The following PPP4R3C variants were observed in gnomAD, a reference collection of about 807,000 sequenced individuals.
PPP4R3C encodes the protein protein PPP4R3C.
For missense variants in PPP4R3C, 372 were observed against 237.3 expected (o/e 1.57, Z -3.73); for synonymous variants, 150 against 86.5 (o/e 1.73, Z -4.07).
Position 27,460,768 on chromosome X carries a change from G to C in PPP4R3C, c.*30C>G, listed in dbSNP as rs1264649586. ...TGGACGTTTATAGAATTTTTGTTGA[G>C]CCACATTTTGAGGGTGCCCCATATA... On this transcript the variant is annotated 3_prime_UTR_variant, in exon 1 of 1. Transcript: ENST00000412172. The C allele has an allele frequency of 2.2e-6, 1 of 452,904 alleles. No homozygotes were observed. The highest frequency in any genetic ancestry group is 3.8e-6 in the Non-Finnish European group (1 of 261,323). The allele number at this position is 452,904 out of a possible 1,213,427, so 37.3% of individuals were successfully genotyped here.
Position 27,462,294 on chromosome X carries a change from A to G in PPP4R3C, c.1003T>C (p.Phe335Leu), listed in dbSNP as rs761588095. 5.8e-6 allele frequency: 3 copies of G among 513,363 alleles called. No individual in the cohort carries two copies. The African/African-American group carries it at 6.9e-5, about 12-fold the overall frequency. 42.3% of individuals were successfully genotyped at this position (513,363 alleles called of 1,213,427 possible). A position where few individuals can be genotyped will look rare whatever the true frequency, so the allele number is the denominator to read the frequency against. Residue 335 changes from phenylalanine to leucine, a missense_variant, in exon 1 of 1, where the codon TTT becomes CTT. By Grantham distance (22) the Phe-to-Leu change is conservative (BLOSUM62 0). Transcript: ENST00000412172. ...AATGAACATAACTCCTTGAAAAAAA[A>G]TAGCAATTCACACCGTCTATCATCA... ...THDDRRCELL[F>L]FFKELCSFSQ...
In PPP4R3C at chrX:27,460,898, T is replaced by C. The variant is rs1182414535; in HGVS notation, c.2399A>G (p.His800Arg). The change falls in exon 1 of 1, where the codon CAT (histidine) becomes CGT (arginine). Residue 800 changes from histidine to arginine, a missense_variant. By Grantham distance (29) the His-to-Arg change is conservative. Coordinates refer to ENST00000412172, the MANE Select transcript of PPP4R3C (RefSeq NM_207319.4). ...CTCTTTTTCTTCTTCATCATCTGGATGATCCACTAAACGAACCACACTGCT... is the reference window on the plus strand; with the variant it reads ...CTCTTTTTCTTCTTCATCATCTGGACGATCCACTAAACGAACCACACTGCT... ...SGSSVVRLVD[H>R]PDDEEEKEED... 1.6e-5 allele frequency: 8 copies of C among 512,738 alleles called. No individual in the cohort carries two copies. The highest frequency in any genetic ancestry group is 1.2e-4 in the African/African-American group (5 of 43,042). The allele number at this position is 512,738 out of a possible 1,213,427, so 42.3% of individuals were successfully genotyped here. A position where few individuals can be genotyped will look rare whatever the true frequency, so the allele number is the denominator to read the frequency against.
rs933870678 is a variant in PPP4R3C at position 27,463,326 on chromosome X, T to C, written c.-30A>G. On this transcript the variant is annotated 5_prime_UTR_variant, in exon 1 of 1. Coordinates refer to ENST00000412172, the MANE Select transcript of PPP4R3C (RefSeq NM_207319.4). The stretch of plus-strand genomic sequence containing the variant: ...TCCTCTGGCCTCGCCCCGTCAGGTC[T>C]GTTCTCCACGGCACTGCTTCCGGTA... 1 of 486,404 alleles carries C rather than the reference T, an allele frequency of 2.1e-6. No homozygotes were observed. Among genetic ancestry groups the C allele is most frequent in the Non-Finnish European group, 3.7e-6 (1 of 271,055 alleles). The allele number at this position is 486,404 out of a possible 1,213,427, so 40.1% of individuals were successfully genotyped here. A position where few individuals can be genotyped will look rare whatever the true frequency, so the allele number is the denominator to read the frequency against.
rs1195479114 is a variant in PPP4R3C, at chrX:27,460,973, G to C, written c.2324C>G (p.Ser775Cys). 1.9e-5 allele frequency: 10 copies of C among 513,057 alleles called. No homozygotes were observed. The highest frequency in any genetic ancestry group is 2.4e-5 in the Non-Finnish European group (7 of 286,790). The allele number at this position is 513,057 out of a possible 1,213,427, so 42.3% of individuals were successfully genotyped here. The change falls in exon 1 of 1, where the codon TCT (serine) becomes TGT (cysteine). Residue 775 changes from serine to cysteine, a missense_variant. Physicochemically the swap from Ser to Cys is moderately radical, Grantham distance 112. Transcript: ENST00000412172. ...AGCAGCACAAGCAGAATAAGATGAA[G>C]AGAATTTGAAGTCACCAGAAGATGT... is the stretch of plus-strand genomic sequence containing the variant. ...KRTSSGDFKFSSSYSACAAIG... is the reference protein window; with the variant it reads ...KRTSSGDFKFCSSYSACAAIG...
rs1426577832 is a variant in PPP4R3C at position 27,461,015 on chromosome X, A to G, written c.2282T>C (p.Val761Ala). 1.9e-6 allele frequency: 1 copy of G among 514,491 alleles called. No individual in the cohort carries two copies. The highest frequency in any genetic ancestry group is 2.5e-5 in the South Asian group (1 of 40,601). The allele number at this position is 514,491 out of a possible 1,213,427, so 42.4% of individuals were successfully genotyped here. Residue 761 changes from valine (V) to alanine (A), a missense_variant, in exon 1 of 1, where the codon GTA becomes GCA. Val to Ala is a moderately conservative substitution (Grantham distance 64, BLOSUM62 0). Transcript: ENST00000412172. ...AGAAGATGTTCTTTTGGGAGAGTCT[A>G]CCTTGCCTTCATGTTCTTGGTTTCT... ...TKRNQEHEGK[V>A]DSPKRTSSGD...
rs1389653614 is a variant in PPP4R3C, at chrX:27,462,163, T to A, written c.1134A>T (p.Gln378His). 3 of 513,450 alleles carry A rather than the reference T, an allele frequency of 5.8e-6. No individual in the cohort carries two copies. The Admixed American group carries it at 8.0e-5, about 14-fold the overall frequency. The allele number at this position is 513,450 out of a possible 1,213,427, so 42.3% of individuals were successfully genotyped here. The change falls in exon 1 of 1, where the codon CAA becomes CAT. Residue 378 changes from glutamine (Q) to histidine (H), a missense_variant. Coordinates refer to ENST00000412172, the MANE Select transcript of PPP4R3C (RefSeq NM_207319.4). The stretch of plus-strand genomic sequence containing the variant: ...ATATAACTGCAGCAGCTGACCTTAC[T>A]TGCAAATCATCCCTGATCATTACGA... ...LKIVMIRDDL[Q>H]VRSAAAVICA...
In PPP4R3C at chrX:27,462,175, C is replaced by A. The variant is rs1345252662; in HGVS notation, c.1122G>T (p.Arg374Ser). ...CAGCTGACCTTACTTGCAAATCATC[C>A]CTGATCATTACGATTTTAAGAGCAG... is the stretch of plus-strand genomic sequence containing the variant. ...VLPALKIVMI[R>S]DDLQVRSAAA... is the part of the protein sequence containing the mutation. Residue 374 changes from arginine to serine, a missense_variant, in exon 1 of 1, where the codon AGG becomes AGT. Physicochemically the swap from Arg to Ser is moderately radical, Grantham distance 110 (BLOSUM62 -1). Coordinates refer to ENST00000412172, the MANE Select transcript of PPP4R3C (RefSeq NM_207319.4). The A allele has an allele frequency of 3.9e-6, 2 of 512,978 alleles. No individual in the cohort carries two copies. The highest frequency in any genetic ancestry group is 7.0e-6 in the Non-Finnish European group (2 of 286,719). 42.3% of individuals were successfully genotyped at this position (512,978 alleles called of 1,213,427 possible). A position where few individuals can be genotyped will look rare whatever the true frequency, so the allele number is the denominator to read the frequency against.
At position 27,460,549 on chromosome X, in the gene PPP4R3C, T is replaced by C. The variant is rs1453013743; in HGVS notation, c.*249A>G. ...AAGACTTTCCTTCCCAAAGATGGTT[T>C]CCTCCCCCAAATCGTGACACAAATT... On this transcript the variant is annotated 3_prime_UTR_variant, in exon 1 of 1. Transcript: ENST00000412172. 4 of 252,013 alleles carry C rather than the reference T, an allele frequency of 1.6e-5. No individual in the cohort carries two copies. The highest frequency in any genetic ancestry group is 2.8e-5 in the Non-Finnish European group (4 of 145,263). 20.8% of individuals were successfully genotyped at this position (252,013 alleles called of 1,213,427 possible).
In PPP4R3C at chrX:27,461,472, A is replaced by G. The variant is rs769359420; in HGVS notation, c.1825T>C (p.Tyr609His). Reference sequence around the variant, plus strand: ...GGCTTGATATTTTCCACTCTTATGTATTCAAATAGCTCAAGAATAGCTGAA... The same window carrying G: ...GGCTTGATATTTTCCACTCTTATGTGTTCAAATAGCTCAAGAATAGCTGAA... ...LNSAILELFEYIRVENIKPLV... is the reference protein window; with the variant it reads ...LNSAILELFEHIRVENIKPLV... The change falls in exon 1 of 1, where the codon TAC becomes CAC. Residue 609 changes from tyrosine to histidine, a missense_variant. Coordinates refer to ENST00000412172, the MANE Select transcript of PPP4R3C (RefSeq NM_207319.4). 8 of 515,560 alleles carry G rather than the reference A, an allele frequency of 1.6e-5. No individual in the cohort carries two copies. The highest frequency in any genetic ancestry group is 2.7e-5 in the Admixed American group (1 of 37,611). 42.5% of individuals were successfully genotyped at this position (515,560 alleles called of 1,213,427 possible).
In PPP4R3C at chrX:27,461,532, G is replaced by A; in HGVS notation, c.1765C>T (p.Leu589Phe). Residue 589 changes from leucine (L) to phenylalanine (F), a missense_variant, in exon 1 of 1, where the codon CTT (leucine) becomes TTT (phenylalanine). Coordinates refer to ENST00000412172, the MANE Select transcript of PPP4R3C (RefSeq NM_207319.4). ...GNLFEPVVNA[L>F]LDNGTRYNML... ...TTGTACCGAGTTCCATTATCTAGAA[G>A]AGCATTTACAACTGGCTCAAAAAGA... is the stretch of plus-strand genomic sequence containing the variant. The A allele has an allele frequency of 1.9e-6, 1 of 518,595 alleles. No individual in the cohort carries two copies. Among genetic ancestry groups the A allele is most frequent in the Non-Finnish European group, 3.5e-6 (1 of 286,957 alleles). The allele number at this position is 518,595 out of a possible 1,213,427, so 42.7% of individuals were successfully genotyped here. A position where few individuals can be genotyped will look rare whatever the true frequency, so the allele number is the denominator to read the frequency against.
rs10521938 is a variant in PPP4R3C, at chrX:27,462,292, A to C, written c.1005T>G (p.Phe335Leu). Residue 335 changes from phenylalanine (F) to leucine (L), a missense_variant, in exon 1 of 1, where the codon TTT (phenylalanine) becomes TTG (leucine). Coordinates refer to ENST00000412172, the MANE Select transcript of PPP4R3C (RefSeq NM_207319.4). ...THDDRRCELL[F>L]FFKELCSFSQ... is the part of the protein sequence containing the mutation. ...AAAATGAACATAACTCCTTGAAAAA[A>C]AATAGCAATTCACACCGTCTATCAT... is the stretch of plus-strand genomic sequence containing the variant. 0.012 allele frequency: 6,039 copies of C among 513,344 alleles called. 241 individuals are homozygous for C. The highest frequency in any genetic ancestry group is 0.12 in the African/African-American group (5,086 of 43,269). The allele number at this position is 513,344 out of a possible 1,213,427, so 42.3% of individuals were successfully genotyped here.
In PPP4R3C at chrX:27,463,094, G is replaced by T. The variant is rs2146839635; in HGVS notation, c.203C>A (p.Thr68Lys). The T allele has an allele frequency of 3.9e-6, 2 of 512,386 alleles. No homozygotes were observed. Among genetic ancestry groups the T allele is most frequent in the East Asian group, 3.6e-5 (1 of 27,583 alleles). The allele number at this position is 512,386 out of a possible 1,213,427, so 42.2% of individuals were successfully genotyped here. A position where few individuals can be genotyped will look rare whatever the true frequency, so the allele number is the denominator to read the frequency against. Residue 68 changes from threonine (T) to lysine (K), a missense_variant, in exon 1 of 1, where the codon ACA becomes AAA. Thr to Lys is a moderately conservative substitution (Grantham distance 78, BLOSUM62 -1). Transcript: ENST00000412172. ...CTCAGCTTCATACCAAACAATTAGT[G>T]TCTCTTGGTATTTCCCATAGGGCCT... ...PDRPYGKYQE[T>K]LIVWYEAENQ...
Position 27,460,618 on chromosome X carries a change from T to TA in PPP4R3C, c.*179_*180insT, listed in dbSNP as rs1922937774. 2.0e-4 allele frequency: 62 copies of TA among 306,419 alleles called. No homozygotes were observed. The highest frequency in any genetic ancestry group is 5.3e-4 in the South Asian group (4 of 7,591). 25.3% of individuals were successfully genotyped at this position (306,419 alleles called of 1,213,427 possible). The stretch of plus-strand genomic sequence containing the variant: ...AGTTTATCACCCAGGTTCTGGTTAC[T>TA]GTTTTTTTTTAAGATTATGAGAAAT... On this transcript the variant is annotated 3_prime_UTR_variant, in exon 1 of 1. Coordinates refer to ENST00000412172, the MANE Select transcript of PPP4R3C (RefSeq NM_207319.4).
At position 27,462,149 on chromosome X, in the gene PPP4R3C, G is replaced by A. The variant is rs533734804; in HGVS notation, c.1148C>T (p.Ala383Val). Residue 383 changes from alanine to valine, a missense_variant, in exon 1 of 1, where the codon GCT (alanine) becomes GTT (valine). Transcript: ENST00000412172. ...IRDDLQVRSAAAVICAYLVEY... is the reference protein window; with the variant it reads ...IRDDLQVRSAVAVICAYLVEY... ...CACTAGATAAGCACATATAACTGCA[G>A]CAGCTGACCTTACTTGCAAATCATC... 294 of 513,306 alleles carry A rather than the reference G, an allele frequency of 5.7e-4. 2 individuals are homozygous for A. The South Asian group carries it at 7.1e-3, about 12-fold the overall frequency. The allele number at this position is 513,306 out of a possible 1,213,427, so 42.3% of individuals were successfully genotyped here.
Position 27,460,969 on chromosome X carries a change from T to G in PPP4R3C, c.2328A>C (p.Ser776=). 1 of 515,199 alleles carries G rather than the reference T, an allele frequency of 1.9e-6. No homozygotes were observed. Among genetic ancestry groups the G allele is most frequent in the Non-Finnish European group, 3.5e-6 (1 of 287,048 alleles). The allele number at this position is 515,199 out of a possible 1,213,427, so 42.5% of individuals were successfully genotyped here. ...RTSSGDFKFS[S]SYSACAAIGT... The stretch of plus-strand genomic sequence containing the variant: ...CAATAGCAGCACAAGCAGAATAAGA[T>G]GAAGAGAATTTGAAGTCACCAGAAG... Residue 776 remains serine, a synonymous_variant, in exon 1 of 1, where the codon TCA becomes TCC. Transcript: ENST00000412172.
In PPP4R3C at chrX:27,460,365, T is replaced by C. The variant is rs1209142161; in HGVS notation, c.*433A>G. ...CTTTGTTTTTCATATAAACATAAACTTTTGTGTTAAAAAGGTAACTGAAGG... is the reference window on the plus strand; with the variant it reads ...CTTTGTTTTTCATATAAACATAAACCTTTGTGTTAAAAAGGTAACTGAAGG... On this transcript the variant is annotated 3_prime_UTR_variant, in exon 1 of 1. Coordinates refer to ENST00000412172, the MANE Select transcript of PPP4R3C (RefSeq NM_207319.4). 8.8e-6 allele frequency: 1 copy of C among 113,238 alleles called. No individual in the cohort carries two copies. Among genetic ancestry groups the C allele is most frequent in the Non-Finnish European group, 1.9e-5 (1 of 53,984 alleles). 9.3% of individuals were successfully genotyped at this position (113,238 alleles called of 1,213,427 possible). A position where few individuals can be genotyped will look rare whatever the true frequency, so the allele number is the denominator to read the frequency against.
In PPP4R3C at chrX:27,461,468, A is replaced by C. The variant is rs1922963635; in HGVS notation, c.1829T>G (p.Ile610Arg). 1 of 515,030 alleles carries C rather than the reference A, an allele frequency of 1.9e-6. No individual in the cohort carries two copies. The highest frequency in any genetic ancestry group is 2.7e-5 in the Admixed American group (1 of 37,577). 42.4% of individuals were successfully genotyped at this position (515,030 alleles called of 1,213,427 possible). The change falls in exon 1 of 1, where the codon ATA becomes AGA. Residue 610 changes from isoleucine to arginine, a missense_variant. By Grantham distance (97) the Ile-to-Arg change is moderately conservative. Coordinates refer to ENST00000412172, the MANE Select transcript of PPP4R3C (RefSeq NM_207319.4). ...AAGAGGCTTGATATTTTCCACTCTT[A>C]TGTATTCAAATAGCTCAAGAATAGC... The part of the protein sequence containing the change: ...NSAILELFEY[I>R]RVENIKPLVS...
rs747067264 is a variant in PPP4R3C, at chrX:27,462,304, A to G, written c.993T>C (p.Cys331=). 2 of 515,012 alleles carry G rather than the reference A, an allele frequency of 3.9e-6. No homozygotes were observed. The highest frequency in any genetic ancestry group is 7.0e-6 in the Non-Finnish European group (2 of 286,940). 42.4% of individuals were successfully genotyped at this position (515,012 alleles called of 1,213,427 possible). A position where few individuals can be genotyped will look rare whatever the true frequency, so the allele number is the denominator to read the frequency against. The change falls in exon 1 of 1, where the codon TGT becomes TGC. Residue 331 remains cysteine, a synonymous_variant. Transcript: ENST00000412172. ...KDETTHDDRR[C]ELLFFFKELC... is the part of the protein sequence containing the mutation. ...ACTCCTTGAAAAAAAATAGCAATTC[A>G]CACCGTCTATCATCATGTGTAGTCT...
In PPP4R3C at chrX:27,460,845, TATCTTCCTCTTTTTCTTCTTC is replaced by T. The variant is rs1457337472; in HGVS notation, c.2431_2451del (p.Glu811_Asp817del). On this transcript the variant is annotated inframe_deletion, in exon 1 of 1. Coordinates refer to ENST00000412172, the MANE Select transcript of PPP4R3C (RefSeq NM_207319.4). Reference sequence around the variant, plus strand: ...TTCTTGGGGGATGTTTCATCTTCTTTATCTTCCTCTTTTTCTTCTTCATCTTCCTCTTTTTCTTCTTCATCA... The same window carrying T: ...TTCTTGGGGGATGTTTCATCTTCTTTATCTTCCTCTTTTTCTTCTTCATCA... The T allele has an allele frequency of 1.4e-5, 7 of 511,104 alleles. No individual in the cohort carries two copies. Among genetic ancestry groups the T allele is most frequent in the East Asian group, 1.1e-4 (3 of 27,613 alleles). 42.1% of individuals were successfully genotyped at this position (511,104 alleles called of 1,213,427 possible).
Sources: gnomAD v4.1 joint callset for allele counts on GRCh38, gnomAD v4.1.1 for gene constraint, MANE v1.5 for transcripts, NCBI Gene and HGNC (gene_info 2026-07-23, HGNC 2026-07-21) for gene names.